LRRC7: variants seen among roughly 807,000 people sequenced by gnomAD.
LRRC7 encodes leucine rich repeat containing 7, also known as leucine-rich repeat-containing protein 7.
LRRC7 carries 23 observed loss-of-function variants against 175.7 expected under a neutral mutation model. The ratio of observed to expected loss-of-function variants is 0.13; its 90% CI spans 0.09 to 0.19. The LOEUF (loss-of-function observed/expected upper bound fraction) is 0.19. Among genes scored for constraint, LRRC7 ranks in the 10% least tolerant of loss-of-function variants. LRRC7 has a pLI of 1.00. For missense variants in LRRC7, 1,354 were observed against 1,904.7 expected, an observed-to-expected ratio of 0.71 and a Z score of 5.38; for synonymous variants, 685 against 680.9, an observed-to-expected ratio of 1.01 and a Z score of -0.09.
chr1:69,824,898 G>A (rs1364443510), intron 4 of LRRC7, among the ~76,000 whole-genome samples: 1 of 152,122 alleles, frequency 6.6e-6, no homozygotes, highest in Non-Finnish European at 1.5e-5. Context: ...GCTTCATATA[G>A]CTTCTTCCCT....
chr1:69,692,990 C>T (rs934806588), intron 2 of LRRC7, among the ~76,000 whole-genome samples: 4 of 152,154 alleles, frequency 2.6e-5, no homozygotes, highest in African/African-American at 9.7e-5. Flanking sequence ...GCTGGGACAT[C>T]CATCTTCTCC....
At chr1:69,628,903 A>G (rs1652028811) in intron 1 of LRRC7, among the ~76,000 whole-genome samples, 1 of 152,210 alleles carries the variant, frequency 6.6e-6, no homozygotes, top group African/African-American at 2.4e-5. Flanking sequence ...TGCTAGAACA[A>G]CTGGATATAT....
At chr1:69,616,809 G>A (rs1371825694) in intron 1 of LRRC7, among the ~76,000 whole-genome samples, 1 of 152,024 alleles carries the variant, frequency 6.6e-6, no homozygotes, top group African/African-American at 2.4e-5. Context: ...GCAAGGGATA[G>A]GCTACTGTAA....
At chr1:70,100,688 T>A (rs1664745281) in intron 25 of LRRC7, among the ~76,000 whole-genome samples, 1 of 152,090 alleles carries the variant, frequency 6.6e-6, no homozygotes, top group Non-Finnish European at 1.5e-5. Flanking sequence ...TATCTCTTCC[T>A]TAAATTTTCT....
In LRRC7 at chr1:69,897,679, A is replaced by AT. The variant is rs1243211054; in HGVS notation, c.648-33827dup. On this transcript the variant is annotated intron_variant, in intron 7 of 26. Transcript: ENST00000651989. ...AAGTACAAAGGGACAGCAAAGGTTT[A>AT]TAAAAAAAAATGTTCTAGCAGAATC... 5.3e-5 allele frequency among the ~76,000 whole-genome samples: 8 copies of AT among 151,538 alleles called. No homozygotes were observed. In the East Asian group the frequency reaches 1.0e-3, roughly 19 times the overall value.
chr1:69,859,885 T>G (rs1015052929), intron 7 of LRRC7, among the ~76,000 whole-genome samples: 4 of 151,994 alleles, frequency 2.6e-5, no homozygotes, highest in African/African-American at 9.7e-5. Flanking sequence ...TAATATGTGT[T>G]AATATTTGTA....
intron 12 of LRRC7, among the ~76,000 whole-genome samples, chr1:70,012,292 T>C (rs574452048): frequency 6.6e-6 from 1 of 152,070 alleles, no homozygotes; most frequent in South Asian, 2.1e-4. Flanking sequence ...TACATATGCT[T>C]TTTAAGGTAT....
At chr1:70,030,410 TTC>T (rs1054718234) in intron 18 of LRRC7, among the ~76,000 whole-genome samples, 29 of 152,302 alleles carry the variant, frequency 1.9e-4, no homozygotes, top group African/African-American at 6.0e-4. Flanking sequence ...ATTCTAGATC[TTC>T]TCTCTCTAAC....
intron 3 of LRRC7, among the ~76,000 whole-genome samples, chr1:69,779,362 T>C (rs879280476): frequency 1.3e-5 from 2 of 152,230 alleles, no homozygotes; most frequent in Non-Finnish European, 2.9e-5. Context: ...TTTAAAGCTA[T>C]GCTTTTAAAT....
chr1:70,130,852 C>T lies in LRRC7; in HGVS notation c.*8965C>T, dbSNP rs6424382. On this transcript the variant is annotated 3_prime_UTR_variant, in exon 27 of 27. Coordinates refer to ENST00000651989, the MANE Select transcript of LRRC7 (RefSeq NM_001370785.2). ...AAGTGTAGTTGAGAGAAAGGGGTCT[C>T]CACCTACCTATTTAGCTCTAAATTT... 0.62 allele frequency among the ~76,000 whole-genome samples: 94,751 copies of T among 151,902 alleles called. 29,770 individuals carry two copies. The highest frequency in any genetic ancestry group is 0.64 in the Non-Finnish European group (43,808 of 67,930).
intron 20 of LRRC7, 119 bp downstream of exon 20, chr1:70,036,743 G>A (rs1047835400): frequency 2.8e-6 from 3 of 1,064,268 alleles, no homozygotes; most frequent in African/African-American, 1.6e-5. Context: ...GAAGACAGAA[G>A]GGGCAGGTAA....
At chr1:69,928,588 C>T (rs377509551) in intron 7 of LRRC7, among the ~76,000 whole-genome samples, 1 of 152,194 alleles carries the variant, frequency 6.6e-6, no homozygotes, top group Non-Finnish European at 1.5e-5. Flanking sequence ...AGCGAGACTC[C>T]GTGGGCGTAG....
intron 2 of LRRC7, among the ~76,000 whole-genome samples, chr1:69,744,760 C>T (rs556350698): frequency 6.6e-6 from 1 of 151,846 alleles, no homozygotes; most frequent in East Asian, 1.9e-4. Context: ...AGAGACATTT[C>T]CATTTGAAAA....
chr1:70,079,522 C>A (rs185603285), intron 24 of LRRC7, among the ~76,000 whole-genome samples: 2 of 152,270 alleles, frequency 1.3e-5, no homozygotes, highest in African/African-American at 4.8e-5. Flanking sequence ...AGCTTGGAAA[C>A]TTTAGTTAAA....
At chr1:69,883,626 C>T (rs1686868822) in intron 7 of LRRC7, among the ~76,000 whole-genome samples, 1 of 99,270 alleles carries the variant, frequency 1.0e-5, no homozygotes, top group Non-Finnish European at 2.1e-5. Context: ...TAATTAGATC[C>T]CATTTGTCAA....
intron 4 of LRRC7, among the ~76,000 whole-genome samples, chr1:69,804,040 A>G (rs1337695689): frequency 1.3e-5 from 2 of 151,288 alleles, no homozygotes; most frequent in African/African-American, 4.8e-5. Context: ...TACTGCAGCT[A>G]TCATTATTAT....
At chr1:70,087,105 T>C (rs1663672851) in intron 24 of LRRC7, among the ~76,000 whole-genome samples, 1 of 152,238 alleles carries the variant, frequency 6.6e-6, no homozygotes, top group Non-Finnish European at 1.5e-5. Flanking sequence ...GTCATCATTA[T>C]TTCTCTTATT....
chr1:69,746,936 G>A (rs1001897988), intron 2 of LRRC7, among the ~76,000 whole-genome samples: 19 of 152,134 alleles, frequency 1.2e-4, no homozygotes, highest in African/African-American at 4.6e-4. Flanking sequence ...TTTGAGGGCT[G>A]TGAGAAAAGG....
intron 7 of LRRC7, among the ~76,000 whole-genome samples, chr1:69,899,690 C>T (rs1646079435): frequency 6.6e-6 from 1 of 152,130 alleles, no homozygotes; most frequent in Non-Finnish European, 1.5e-5. Flanking sequence ...TCAGGTGTTG[C>T]CAATGTGGTA....
Sources: gnomAD v4.1 joint callset for allele counts (sites outside exome capture counted in the v4.1 genomes callset) on GRCh38, gnomAD v4.1.1 for gene constraint, MANE v1.5 for transcripts, NCBI Gene and HGNC (gene_info 2026-07-23, HGNC 2026-07-21) for gene names.